The following INPP5A variants were observed in gnomAD, a reference collection of about 807,000 sequenced individuals.
The protein encoded by INPP5A is inositol polyphosphate-5-phosphatase A, also known as 43 kDa inositol polyphosphate 5-phophatase.
A neutral mutation model predicts 65.2 loss-of-function variants in INPP5A; 14 were observed. That is an observed-to-expected ratio of 0.21 (90% CI 0.14 to 0.34). The LOEUF is 0.34. INPP5A is among the 10% of genes least tolerant of loss of function. The pLI, the probability that INPP5A is intolerant of heterozygous loss-of-function variation, is 1.00. For missense variants in INPP5A, 431 were observed against 545.6 expected, an observed-to-expected ratio of 0.79 and a Z score of 2.09; for synonymous variants, 207 against 208.3, an observed-to-expected ratio of 0.99 and a Z score of 0.05.
At chr10:132,639,087 T>C (rs554300642) in intron 2 of INPP5A, among the ~76,000 whole-genome samples, 2 of 152,268 alleles carry the variant, frequency 1.3e-5, no homozygotes, top group East Asian at 1.9e-4. Flanking sequence ...AGAAAAAATA[T>C]AATCTTTTAT....
At chr10:132,591,056 C>T (rs560113196) in intron 1 of INPP5A, among the ~76,000 whole-genome samples, 42 of 152,324 alleles carry the variant, frequency 2.8e-4, no homozygotes, top group African/African-American at 9.4e-4. Context: ...TCATGTATGA[C>T]GCCATTTGGG....
At chr10:132,774,863 AG>A (rs1234410336) in intron 12 of INPP5A, among the ~76,000 whole-genome samples, 28 of 56,014 alleles carry the variant, frequency 5.0e-4, no homozygotes, top group East Asian at 9.6e-4. Context: ...ACGGGCAGGG[AG>A]GAGGGGCAGG....
At chr10:132,709,159 G>T (rs1180592143) in intron 7 of INPP5A, among the ~76,000 whole-genome samples, 2 of 151,074 alleles carry the variant, frequency 1.3e-5, no homozygotes, top group Non-Finnish European at 3.0e-5. Flanking sequence ...AGCTCACTGG[G>T]GCTGTGGGCA....
intron 1 of INPP5A, among the ~76,000 whole-genome samples, chr10:132,556,372 C>T (rs2071125776): frequency 6.6e-6 from 1 of 152,196 alleles, no homozygotes; most frequent in Non-Finnish European, 1.5e-5. Flanking sequence ...CCTCTCCGTG[C>T]ACCTCCACGG....
At position 132,603,894 on chromosome 10, in the gene INPP5A, G is replaced by A. The variant is rs2071805681; in HGVS notation, c.76-4021G>A. ...TTCTGGGCTCTGCTGCATCACCTGA[G>A]TTCTGCCCTGCGCCGTCAGGGTCCC... On this transcript the variant is annotated intron_variant, in intron 1 of 15. Transcript: ENST00000368594. The surrounding 1 kb of genome is among the most constrained non-coding windows in gnomAD (Gnocchi z 4.2). 6.6e-6 allele frequency among the ~76,000 whole-genome samples: 1 copy of A among 151,928 alleles called. No homozygotes were observed. Among genetic ancestry groups the A allele is most frequent in the Non-Finnish European group, 1.5e-5 (1 of 68,006 alleles).
chr10:132,690,102 G>A lies in INPP5A; in HGVS notation c.307-290G>A, dbSNP rs1241296509. On this transcript the variant is annotated intron_variant, in intron 4 of 15. Transcript: ENST00000368594. ...CTGCTGGAGCCAGCACCGGCTGCAC[G>A]GCTCACCTGGGAAGGGTCTGGTCCA... 2.0e-5 allele frequency among the ~76,000 whole-genome samples: 3 copies of A among 152,064 alleles called. No homozygotes were observed. The East Asian group carries it at 5.8e-4, about 29-fold the overall frequency.
At chr10:132,588,278 G>A (rs1394659941) in intron 1 of INPP5A, among the ~76,000 whole-genome samples, 1 of 152,138 alleles carries the variant, frequency 6.6e-6, no homozygotes, top group African/African-American at 2.4e-5. Context: ...GCTCTGTGAG[G>A]TTCAGCTAAC....
chr10:132,686,080 C>T (rs1297014738), intron 4 of INPP5A, among the ~76,000 whole-genome samples: 1 of 152,240 alleles, frequency 6.6e-6, no homozygotes, highest in East Asian at 1.9e-4. Flanking sequence ...TGCCCATTAG[C>T]TCCCAGGCTG....
At chr10:132,681,674 A>T (rs939058547) in intron 4 of INPP5A, among the ~76,000 whole-genome samples, 1 of 152,222 alleles carries the variant, frequency 6.6e-6, no homozygotes, top group Non-Finnish European at 1.5e-5. Context: ...CACTGTGAAC[A>T]TTGAGGTGAT....
At chr10:132,645,559 C>T (rs2072482438) in intron 2 of INPP5A, among the ~76,000 whole-genome samples, 1 of 152,222 alleles carries the variant, frequency 6.6e-6, no homozygotes, top group Non-Finnish European at 1.5e-5. Flanking sequence ...CTGCAGTAAA[C>T]ACGCATAACA....
chr10:132,586,942 C>T (rs746718952), intron 1 of INPP5A, among the ~76,000 whole-genome samples: 1 of 152,144 alleles, frequency 6.6e-6, no homozygotes, highest in African/African-American at 2.4e-5. Context: ...GAGTCGGAGT[C>T]GGAGCTGGAG....
At position 132,762,129 on chromosome 10, in the gene INPP5A, A is replaced by G. The variant is rs550707754; in HGVS notation, c.904-3644A>G. On this transcript the variant is annotated intron_variant, in intron 11 of 15. Transcript: ENST00000368594. This position sits in a 1 kb window ranked among gnomAD's most constrained non-coding sequence, Gnocchi z 4.6. The stretch of plus-strand genomic sequence containing the variant: ...CAGAAACGTGGCAGGATGGGACAGG[A>G]GGGTCGGGGCTGGGAGAGGAGGGAA... 1.5e-4 allele frequency among the ~76,000 whole-genome samples: 23 copies of G among 152,232 alleles called. No individual in the cohort carries two copies. Among genetic ancestry groups the G allele is most frequent in the Non-Finnish European group, 3.1e-4 (21 of 68,018 alleles).
intron 1 of INPP5A, among the ~76,000 whole-genome samples, chr10:132,586,863 G>A (rs960697698): frequency 2.6e-5 from 4 of 152,166 alleles, no homozygotes; most frequent in East Asian, 1.9e-4. Context: ...TCTCCTGCGC[G>A]TCAGAAGGCG....
chr10:132,736,625 G>C (rs1346261496), intron 9 of INPP5A, among the ~76,000 whole-genome samples: 4 of 152,250 alleles, frequency 2.6e-5, no homozygotes, highest in Admixed American at 6.5e-5. Context: ...TGCCTCAAAG[G>C]CTGTGTCTGC....
In INPP5A at chr10:132,708,327, A is replaced by G. The variant is rs2134524566; in HGVS notation, c.489A>G (p.Arg163=). The change falls in exon 7 of 16, where the codon AGA becomes AGG. Residue 163 remains arginine, a synonymous_variant. Transcript: ENST00000368594. ...TTATTTTTCAGTGCAAATGGTCAAG[A>G]AAAGGCTTCATCCGGACGAGGTGGT... ...QDYFPECKWS[R]KGFIRTRWCI... The G allele has an allele frequency of 1.2e-6, 2 of 1,614,120 alleles. No individual in the cohort carries two copies. Among genetic ancestry groups the G allele is most frequent in the Admixed American group, 1.7e-5 (1 of 60,024 alleles).
At chr10:132,714,961 C>G (rs1020237040) in intron 8 of INPP5A, among the ~76,000 whole-genome samples, 2 of 152,220 alleles carry the variant, frequency 1.3e-5, no homozygotes, top group African/African-American at 4.8e-5. Flanking sequence ...AGGCTCTGGG[C>G]AGGTGTTGGC....
At chr10:132,682,299 C>T (rs1404908668) in intron 4 of INPP5A, among the ~76,000 whole-genome samples, 3 of 152,024 alleles carry the variant, frequency 2.0e-5, no homozygotes, top group Admixed American at 2.0e-4. Flanking sequence ...TGGACAGTGT[C>T]CTGGAGATGG....
Position 132,607,919 on chromosome 10 carries a change from A to C in INPP5A, c.80A>C (p.Glu27Ala). Residue 27 changes from glutamate (E) to alanine (A), a missense_variant, in exon 2 of 16, where the codon GAA (glutamate) becomes GCA (alanine). Physicochemically the swap from Glu to Ala is moderately radical, Grantham distance 107. Transcript: ENST00000368594. ...CTTTTTCTTCTTAATTTACAGCCAG[A>C]AAACCTGCAGAAGAACTGGCTTCGG... ...ANVGSLFDDP[E>A]NLQKNWLREF... 2 of 1,610,300 alleles carry C rather than the reference A, an allele frequency of 1.2e-6. No individual in the cohort carries two copies. The highest frequency in any genetic ancestry group is 1.7e-6 in the Non-Finnish European group (2 of 1,179,942).
At position 132,607,941 on chromosome 10, in the gene INPP5A, T is replaced by C; in HGVS notation, c.102T>C (p.Leu34=). The C allele has an allele frequency of 6.2e-7, 1 of 1,611,912 alleles. No homozygotes were observed. The highest frequency in any genetic ancestry group is 8.5e-7 in the Non-Finnish European group (1 of 1,179,990). Residue 34 remains leucine (L), a synonymous_variant, in exon 2 of 16, where the codon CTT becomes CTC. Coordinates refer to ENST00000368594, the MANE Select transcript of INPP5A (RefSeq NM_005539.5). ...CAGAAAACCTGCAGAAGAACTGGCT[T>C]CGGGAATTTTACCAGGTAAGAACCA... ...DDPENLQKNW[L]REFYQVVHTH... is the part of the protein sequence containing the mutation.
Sources: gnomAD v4.1 joint callset for allele counts (sites outside exome capture counted in the v4.1 genomes callset) on GRCh38, gnomAD v4.1.1 for gene constraint, Gnocchi (gnomAD v3.1) non-coding constraint, MANE v1.5 for transcripts, NCBI Gene and HGNC (gene_info 2026-07-23, HGNC 2026-07-21) for gene names.